Variants in PCSK5 observed in about 807,000 individuals in gnomAD.
PCSK5 encodes prohormone convertase 5.
In PCSK5, 129 loss-of-function variants were observed where a neutral mutation model predicts 233.2. The ratio of observed to expected loss-of-function variants is 0.55; its 90% confidence interval spans 0.48 to 0.64. The LOEUF (loss-of-function observed/expected upper bound fraction) is 0.64, where lower values mean the gene tolerates loss of function less well. PCSK5 is among the 30% of genes least tolerant of loss of function. The pLI, the probability that PCSK5 is intolerant of heterozygous loss-of-function variation, is 0.00. For missense variants in PCSK5, 2,076 were observed against 2,430.1 expected (o/e 0.85, Z 3.06); for synonymous variants, 825 against 879.2 (o/e 0.94, Z 1.09).
At chr9:76,215,280 T>TC (rs1215917409) in intron 20 of PCSK5, among the ~76,000 whole-genome samples, 3 of 151,952 alleles carry the variant, frequency 2.0e-5, no homozygotes, top group Non-Finnish European at 2.9e-5. Context: ...CAAAAAGAAG[T>TC]CACAGCAGGT....
intron 2 of PCSK5, among the ~76,000 whole-genome samples, chr9:75,935,291 TCTC>T (rs1212230754): frequency 2.0e-5 from 3 of 151,868 alleles, no homozygotes; most frequent in Admixed American, 1.3e-4. Context: ...ACGGTCTTGA[TCTC>T]CTCTCCTCGT....
In PCSK5 at chr9:76,075,224, A is replaced by AAATAATAAT. The variant is rs145167571; in HGVS notation, c.894+3343_894+3351dup. On this transcript the variant is annotated intron_variant, in intron 7 of 37. Transcript: ENST00000674117. ...AACAGAGTAAGACTCCGTCTCAATA[A>AAATAATAAT]AATAATAATAATAATAATAATAATA... Among the ~76,000 whole-genome samples the AAATAATAAT allele has an allele frequency of 4.6e-3, 689 of 150,660 alleles. 7 individuals carry two copies. The highest frequency in any genetic ancestry group is 0.016 in the African/African-American group (651 of 40,846).
intron 2 of PCSK5, among the ~76,000 whole-genome samples, chr9:75,934,809 G>A (rs1034965598): frequency 1.3e-5 from 2 of 151,964 alleles, no homozygotes; most frequent in South Asian, 2.1e-4. Context: ...CAAGTGGTCT[G>A]CCTGACCTCA....
intron 2 of PCSK5, among the ~76,000 whole-genome samples, chr9:75,978,407 A>G (rs920833428): frequency 2.6e-5 from 4 of 152,234 alleles, no homozygotes; most frequent in Admixed American, 6.5e-5. Context: ...TGTTAACAAT[A>G]CAGGTAATTC....
At chr9:76,107,120 G>C in intron 8 of PCSK5, 131 bp from the exon 9 acceptor site, 1 of 565,454 alleles carries the variant, frequency 1.8e-6, no homozygotes, top group South Asian at 2.3e-5. Flanking sequence ...ATTTACAGGC[G>C]TGTAGGAACA....
At chr9:75,924,563 A>G (rs1823395022) in intron 1 of PCSK5, among the ~76,000 whole-genome samples, 1 of 152,118 alleles carries the variant, frequency 6.6e-6, no homozygotes, top group Non-Finnish European at 1.5e-5. Flanking sequence ...CTCTGGGGTT[A>G]GCGGTATAAC....
chr9:76,026,920 T>C, intron 4 of PCSK5, 41 bp from the exon 5 acceptor site: 1 of 1,357,144 alleles, frequency 7.4e-7, no homozygotes, highest in Non-Finnish European at 1.0e-6. Context: ...AATTAATGAA[T>C]GTCCATTTCC....
intron 30 of PCSK5, among the ~76,000 whole-genome samples, chr9:76,313,484 C>T (rs1828927760): frequency 6.6e-6 from 1 of 152,032 alleles, no homozygotes; most frequent in Non-Finnish European, 1.5e-5. Flanking sequence ...ACTTTCTATC[C>T]CTGTAGATTT....
intron 20 of PCSK5, among the ~76,000 whole-genome samples, chr9:76,191,494 A>T (rs968350114): frequency 3.3e-5 from 5 of 152,188 alleles, no homozygotes; most frequent in Admixed American, 2.6e-4. Context: ...AACTCCCTAC[A>T]AAGAATCTCA....
At chr9:76,339,086 AC>A (rs1224777705) in intron 35 of PCSK5, among the ~76,000 whole-genome samples, 1 of 151,552 alleles carries the variant, frequency 6.6e-6, no homozygotes, top group East Asian at 1.9e-4. Context: ...CCAGCAGGTC[AC>A]CCCAACTCTC....
intron 35 of PCSK5, among the ~76,000 whole-genome samples, chr9:76,348,770 C>A (rs527629477): frequency 6.6e-6 from 1 of 152,032 alleles, no homozygotes; most frequent in Non-Finnish European, 1.5e-5. Flanking sequence ...GAACTTTATA[C>A]CCTTTGACCA....
chr9:76,099,602 G>A (rs1167372964), intron 8 of PCSK5, among the ~76,000 whole-genome samples: 3 of 152,226 alleles, frequency 2.0e-5, no homozygotes, highest in African/African-American at 7.2e-5. Context: ...GTTTGAACAT[G>A]AGTGGAGTTG....
At chr9:75,994,624 G>A (rs541108980) in intron 3 of PCSK5, among the ~76,000 whole-genome samples, 2 of 151,670 alleles carry the variant, frequency 1.3e-5, no homozygotes, top group African/African-American at 4.8e-5. Context: ...GGGTGTCACC[G>A]TGTTAACCAG....
chr9:76,175,012 C>T lies in PCSK5; in HGVS notation c.1783C>T (p.Leu595Phe), dbSNP rs1393130166. The change falls in exon 14 of 38, where the codon CTC (leucine) becomes TTC (phenylalanine). Residue 595 changes from leucine (L) to phenylalanine (F), a missense_variant. Coordinates refer to ENST00000674117, the MANE Select transcript of PCSK5 (RefSeq NM_001372043.1). ...TAAATTGAAAGAATGGTCTTTGGTC[C>T]TCTACGGCACCTCCGTGCAGCCATA... ...PGKLKEWSLV[L>F]YGTSVQPYSP... 2 of 1,611,284 alleles carry T rather than the reference C, an allele frequency of 1.2e-6. No individual in the cohort carries two copies. Among genetic ancestry groups the T allele is most frequent in the Non-Finnish European group, 1.7e-6 (2 of 1,179,038 alleles).
At chr9:76,071,176 C>T (rs888056702) in intron 6 of PCSK5, among the ~76,000 whole-genome samples, 5 of 151,990 alleles carry the variant, frequency 3.3e-5, no homozygotes, top group Non-Finnish European at 5.9e-5. Flanking sequence ...AATGTTACAT[C>T]CACAGAGATT....
At chr9:76,204,899 T>C (rs1825053351) in intron 20 of PCSK5, among the ~76,000 whole-genome samples, 1 of 152,160 alleles carries the variant, frequency 6.6e-6, no homozygotes, top group Non-Finnish European at 1.5e-5. Context: ...AAAACATAAA[T>C]TCACTGGCTG....
intron 24 of PCSK5, among the ~76,000 whole-genome samples, chr9:76,250,486 T>C (rs765331216): frequency 5.3e-5 from 8 of 152,214 alleles, no homozygotes; most frequent in Non-Finnish European, 1.0e-4. Context: ...GAATGTACTT[T>C]TGATACAATG....
intron 30 of PCSK5, among the ~76,000 whole-genome samples, chr9:76,317,574 G>T (rs1312024765): frequency 6.6e-6 from 1 of 152,194 alleles, no homozygotes; most frequent in African/African-American, 2.4e-5. Context: ...GAGGTCTCTG[G>T]TAGATTGGGT....
At chr9:76,222,206 C>G (rs906640640) in intron 20 of PCSK5, among the ~76,000 whole-genome samples, 1 of 152,076 alleles carries the variant, frequency 6.6e-6, no homozygotes, top group Non-Finnish European at 1.5e-5. Context: ...ACTGGCTTCC[C>G]AAGATGGTGG....
Sources: gnomAD v4.1 joint callset for allele counts (sites outside exome capture counted in the v4.1 genomes callset) on GRCh38, gnomAD v4.1.1 for gene constraint, MANE v1.5 for transcripts, NCBI Gene and HGNC (gene_info 2026-07-23, HGNC 2026-07-21) for gene names.